The following XYLT1 variants were observed in gnomAD, a reference collection of about 807,000 sequenced individuals.
The protein encoded by XYLT1 is beta-D-xylosyltransferase 1.
A neutral mutation model predicts 91.3 loss-of-function variants in XYLT1; 36 were observed. That is an observed-to-expected ratio of 0.39 (90% CI 0.30 to 0.52). The LOEUF (loss-of-function observed/expected upper bound fraction) is 0.52, where lower values mean the gene tolerates loss of function less well. XYLT1 is among the 20% of genes least tolerant of loss of function. The pLI, the probability that XYLT1 is intolerant of heterozygous loss-of-function variation, is 0.68. For missense variants in XYLT1, 1,242 were observed against 1,284.5 expected, an observed-to-expected ratio of 0.97 and a Z score of 0.51; for synonymous variants, 588 against 532.0, an observed-to-expected ratio of 1.11 and a Z score of -1.45.
intron 8 of XYLT1, among the ~76,000 whole-genome samples, chr16:17,134,971 T>A (rs1167731172): frequency 6.6e-6 from 1 of 152,124 alleles, no homozygotes; most frequent in Non-Finnish European, 1.5e-5. Flanking sequence ...TAAGCATCAT[T>A]TCTTAGTAAG....
At chr16:17,201,101 G>C (rs994578498) in intron 3 of XYLT1, among the ~76,000 whole-genome samples, 2 of 152,112 alleles carry the variant, frequency 1.3e-5, no homozygotes, top group African/African-American at 4.8e-5. Context: ...TTTTAACGGT[G>C]GTAAGAACAG....
chr16:17,251,698 GCTGGCACAGATTGCC>G (rs1298541410), intron 3 of XYLT1, among the ~76,000 whole-genome samples: 2 of 152,208 alleles, frequency 1.3e-5, no homozygotes, highest in Non-Finnish European at 2.9e-5. Context: ...TCACCTGGCA[GCTGGCACAGATTGCC>G]TCCTATGGGT....
chr16:17,268,693 C>T (rs138121745), intron 2 of XYLT1, among the ~76,000 whole-genome samples: 3,156 of 138,392 alleles, frequency 0.023, 113 homozygotes, highest in African/African-American at 0.081. Flanking sequence ...TTTTCTGAGA[C>T]GGAGTTTCGC....
chr16:17,215,797 G>C (rs565919716), intron 3 of XYLT1, among the ~76,000 whole-genome samples: 56 of 152,168 alleles, frequency 3.7e-4, no homozygotes, highest in Non-Finnish European at 3.7e-4. Context: ...ATACAGGAAG[G>C]CCAGTGTGGC....
At chr16:17,354,145 C>T (rs1020842225) in intron 2 of XYLT1, among the ~76,000 whole-genome samples, 2 of 152,092 alleles carry the variant, frequency 1.3e-5, no homozygotes, top group Non-Finnish European at 2.9e-5. Context: ...CGCTGGCAGT[C>T]ACCATCTGGA....
At chr16:17,338,344 T>C (rs1394903437) in intron 2 of XYLT1, 14 of 456,378 alleles carry the variant, frequency 3.1e-5, no homozygotes, top group Non-Finnish European at 6.2e-5. Flanking sequence ...TGGTCTACAG[T>C]ACCTGGGCCT....
intron 3 of XYLT1, among the ~76,000 whole-genome samples, chr16:17,211,021 T>C (rs1172592342): frequency 6.6e-6 from 1 of 152,208 alleles, no homozygotes; most frequent in Non-Finnish European, 1.5e-5. Context: ...TGTCTCCTCA[T>C]GGCAAGTGAC....
intron 1 of XYLT1, among the ~76,000 whole-genome samples, chr16:17,437,787 T>A (rs894891316): frequency 6.6e-6 from 1 of 152,118 alleles, no homozygotes; most frequent in Non-Finnish European, 1.5e-5. Flanking sequence ...CTGGCAAGTT[T>A]AAAAAATACA....
At chr16:17,425,795 G>C (rs962469174) in intron 1 of XYLT1, among the ~76,000 whole-genome samples, 3 of 151,972 alleles carry the variant, frequency 2.0e-5, no homozygotes, top group Admixed American at 6.6e-5. Context: ...TGCCCTTCCT[G>C]CTCCTTCCTG....
At chr16:17,120,639 A>G (rs1291245587) in intron 10 of XYLT1, among the ~76,000 whole-genome samples, 1 of 152,100 alleles carries the variant, frequency 6.6e-6, no homozygotes, top group East Asian at 1.9e-4. Context: ...TTTGATCATC[A>G]TAGCTTTTCT....
At chr16:17,197,961 A>C in intron 5 of XYLT1, 1 of 555,552 alleles carries the variant, frequency 1.8e-6, no homozygotes, top group Non-Finnish European at 3.2e-6. Flanking sequence ...CGCGGGTTGG[A>C]GTTTCCGTCT....
At chr16:17,406,027 A>G (rs1308118908) in intron 1 of XYLT1, among the ~76,000 whole-genome samples, 3 of 152,120 alleles carry the variant, frequency 2.0e-5, no homozygotes, top group African/African-American at 7.2e-5. Context: ...TCTACTAAAA[A>G]TACAAAAATT....
chr16:17,459,914 T>C (rs981575467), intron 1 of XYLT1, among the ~76,000 whole-genome samples: 16 of 152,192 alleles, frequency 1.1e-4, no homozygotes, highest in African/African-American at 3.4e-4. Flanking sequence ...TACAAGACGC[T>C]GTGAGGAAGG....
rs1007800056 is a variant in XYLT1 at position 17,259,363 on chromosome 16, C to G, written c.538G>C (p.Glu180Gln). The G allele has an allele frequency of 1.2e-6, 2 of 1,614,080 alleles. No individual in the cohort carries two copies. Among genetic ancestry groups the G allele is most frequent in the African/African-American group, 2.7e-5 (2 of 74,934 alleles). Residue 180 changes from glutamate to glutamine, a missense_variant, in exon 3 of 12, where the codon GAG becomes CAG. Around this residue, in one of 3 missense-constraint regions of XYLT1, gnomAD observed 437 missense variants for 411.5 expected, o/e 1.06. Coordinates refer to ENST00000261381, the MANE Select transcript of XYLT1 (RefSeq NM_022166.4). ...PRTQKQKHQP[E>Q]LAKKPPSRQK... ...CTACTCGGTGGCTTCTTCGCCAACTCAGGCTGGTGCTTCTGCTTTTGAGTC... is the reference window on the plus strand; with the variant it reads ...CTACTCGGTGGCTTCTTCGCCAACTGAGGCTGGTGCTTCTGCTTTTGAGTC...
chr16:17,292,864 G>C (rs1015168631), intron 2 of XYLT1, among the ~76,000 whole-genome samples: 2 of 152,152 alleles, frequency 1.3e-5, no homozygotes, highest in African/African-American at 4.8e-5. Context: ...CCACGGTCAG[G>C]GATGAGACGT....
At chr16:17,399,160 A>T (rs2035931867) in intron 1 of XYLT1, among the ~76,000 whole-genome samples, 1 of 152,170 alleles carries the variant, frequency 6.6e-6, no homozygotes, top group Non-Finnish European at 1.5e-5. Context: ...TCGGGACTTC[A>T]ACATATGAAT....
chr16:17,245,083 G>A (rs2033415726), intron 3 of XYLT1, among the ~76,000 whole-genome samples: 1 of 152,082 alleles, frequency 6.6e-6, no homozygotes, highest in Non-Finnish European at 1.5e-5. Flanking sequence ...AAACAAAAAT[G>A]TACACACAAG....
chr16:17,305,827 CAT>C (rs2034462891), intron 2 of XYLT1, among the ~76,000 whole-genome samples: 1 of 152,202 alleles, frequency 6.6e-6, no homozygotes, highest in African/African-American at 2.4e-5. Context: ...AGAGCCCACA[CAT>C]GTTAGAAACA....
chr16:17,251,121 CT>C (rs1262615230), intron 3 of XYLT1: 3 of 152,252 alleles, frequency 2.0e-5, no homozygotes, highest in Non-Finnish European at 4.4e-5. Flanking sequence ...AGAGACTGCC[CT>C]TAAGCAGCTG....
Sources: gnomAD v4.1 joint callset for allele counts (sites outside exome capture counted in the v4.1 genomes callset) on GRCh38, gnomAD v4.1.1 for gene constraint, gnomAD v4.1.1 regional missense constraint, MANE v1.5 for transcripts, NCBI Gene and HGNC (gene_info 2026-07-23, HGNC 2026-07-21) for gene names.